The following EDAR variants were observed in gnomAD, a reference collection of about 807,000 sequenced individuals.
EDAR encodes tumor necrosis factor receptor superfamily member EDAR.
A neutral mutation model predicts 51.3 loss-of-function variants in EDAR; 38 were observed. The observed-to-expected ratio is 0.74, with a 90% confidence interval of 0.57 to 0.97. The LOEUF is 0.97. Ranked by LOEUF, EDAR falls within the 50% of genes least tolerant of loss-of-function variation. The pLI, the probability that EDAR is intolerant of heterozygous loss-of-function variation, is 0.00. For synonymous variants in EDAR, 227 were observed against 242.1 expected (o/e 0.94, Z 0.58); for missense variants, 528 against 595.0 (o/e 0.89, Z 1.17).
rs189284227 is a variant in EDAR, at chr2:108,968,501, T to C, written c.-19+20459A>G. On this transcript the variant is annotated intron_variant, in intron 1 of 11. Transcript: ENST00000258443. ...TGAGGTAACACAGATCCCACAGAAA[T>C]ATTCTGGCTTGTTGAGAATTGGAGC... Among the ~76,000 whole-genome samples, 64 of 152,298 alleles carry C rather than the reference T, an allele frequency of 4.2e-4. 1 individual carries two copies. The highest frequency in any genetic ancestry group is 6.9e-4 in the Non-Finnish European group (47 of 68,014).
At chr2:108,963,013 A>ACT (rs1361912351) in intron 1 of EDAR, among the ~76,000 whole-genome samples, 2 of 152,192 alleles carry the variant, frequency 1.3e-5, no homozygotes, top group Non-Finnish European at 2.9e-5. Flanking sequence ...CATCTGCACC[A>ACT]GCGATCAATT....
intron 1 of EDAR, among the ~76,000 whole-genome samples, chr2:108,980,389 C>T (rs1007314163): frequency 2.6e-5 from 4 of 152,058 alleles, no homozygotes; most frequent in Non-Finnish European, 4.4e-5. Context: ...CTGGTGGGCA[C>T]GCCCTGCCGC....
chr2:108,937,387 C>T (rs527501319), intron 1 of EDAR, among the ~76,000 whole-genome samples: 9 of 152,044 alleles, frequency 5.9e-5, no homozygotes, highest in Non-Finnish European at 1.2e-4. Context: ...TGTGCATACA[C>T]GTGAGTGTAT....
At chr2:108,985,330 G>A (rs1224105245) in intron 1 of EDAR, among the ~76,000 whole-genome samples, 2 of 152,144 alleles carry the variant, frequency 1.3e-5, no homozygotes, top group East Asian at 3.9e-4. Flanking sequence ...GATTTCGTCC[G>A]ACTCACAAGT....
At chr2:108,960,990 A>C (rs1358580148) in intron 1 of EDAR, among the ~76,000 whole-genome samples, 1 of 152,216 alleles carries the variant, frequency 6.6e-6, no homozygotes, top group Non-Finnish European at 1.5e-5. Flanking sequence ...CAGTGGATAG[A>C]CTTCTAATTA....
chr2:108,978,080 A>G (rs1698358396), intron 1 of EDAR, among the ~76,000 whole-genome samples: 1 of 152,224 alleles, frequency 6.6e-6, no homozygotes, highest in African/African-American at 2.4e-5. Context: ...GCACTGACAT[A>G]GGGAAGAGCC....
chr2:108,971,559 T>C (rs1698233389), intron 1 of EDAR, among the ~76,000 whole-genome samples: 3 of 151,668 alleles, frequency 2.0e-5, no homozygotes, highest in Admixed American at 1.3e-4. Context: ...AAATGTTTAG[T>C]AAATAAATAC....
intron 1 of EDAR, among the ~76,000 whole-genome samples, chr2:108,954,291 GACCTAT>G (rs1697879714): frequency 6.6e-6 from 1 of 152,144 alleles, no homozygotes; most frequent in Non-Finnish European, 1.5e-5. Flanking sequence ...TATACATCAA[GACCTAT>G]ACCCCAAGAT....
intron 5 of EDAR, 139 bp downstream of exon 5, chr2:108,923,229 C>T (rs1347815061): frequency 1.2e-6 from 1 of 839,722 alleles, no homozygotes. Context: ...CTGGACAGGC[C>T]ACAGGAGCAC....
At chr2:108,925,631 T>C (rs895518275) in intron 4 of EDAR, among the ~76,000 whole-genome samples, 11 of 151,890 alleles carry the variant, frequency 7.2e-5, no homozygotes, top group African/African-American at 1.2e-4. Context: ...CTTTTTTTTT[T>C]CCCCCTGAAA....
In EDAR at chr2:108,895,011, GACTC is replaced by G. The variant is rs145115545; in HGVS notation, c.*1892_*1895del. On this transcript the variant is annotated 3_prime_UTR_variant, in exon 12 of 12. Transcript: ENST00000258443. The stretch of plus-strand genomic sequence containing the variant: ...GACATTTGCAGTCTAATTAAGGGGA[GACTC>G]ACTCATCATCATCACAAGGCAGGGG... 13,512 of 152,602 alleles carry G rather than the reference GACTC, an allele frequency of 0.089. 817 individuals carry two copies. Among genetic ancestry groups the G allele is most frequent in the African/African-American group, 0.16 (6,660 of 41,496 alleles). 9.5% of individuals were successfully genotyped at this position (152,602 alleles called of 1,614,324 possible). A position where few individuals can be genotyped will look rare whatever the true frequency, so the allele number is the denominator to read the frequency against.
At chr2:108,934,296 C>T (rs1487849212) in intron 1 of EDAR, among the ~76,000 whole-genome samples, 1 of 152,140 alleles carries the variant, frequency 6.6e-6, no homozygotes, top group Admixed American at 6.5e-5. Flanking sequence ...TCTCAGACTG[C>T]AGATACAGGC....
chr2:108,931,058 G>C (rs1697358133), intron 1 of EDAR, 26 bp from the exon 2 acceptor site: 3 of 1,605,142 alleles, frequency 1.9e-6, no homozygotes, highest in Middle Eastern at 1.6e-4. Flanking sequence ...CATTAGCTGG[G>C]CACTGGCGGT....
chr2:108,970,251 A>G (rs745707810), intron 1 of EDAR, among the ~76,000 whole-genome samples: 1 of 152,170 alleles, frequency 6.6e-6, no homozygotes, highest in Non-Finnish European at 1.5e-5. Flanking sequence ...CCCAGGTGGT[A>G]CGCATTTGAG....
intron 1 of EDAR, among the ~76,000 whole-genome samples, chr2:108,958,397 T>C (rs1697965310): frequency 6.6e-6 from 1 of 151,664 alleles, no homozygotes; most frequent in African/African-American, 2.4e-5. Flanking sequence ...GAAATAGTTA[T>C]TCCTTCAGCA....
chr2:108,980,539 T>C (rs1384701247), intron 1 of EDAR, among the ~76,000 whole-genome samples: 1 of 152,196 alleles, frequency 6.6e-6, no homozygotes, highest in African/African-American at 2.4e-5. Context: ...TATATATTTA[T>C]GTGATATTAC....
intron 1 of EDAR, among the ~76,000 whole-genome samples, chr2:108,979,944 C>T (rs1387622665): frequency 5.9e-5 from 9 of 151,990 alleles, no homozygotes; most frequent in African/African-American, 1.9e-4. Context: ...ATTATCCTGG[C>T]TGAGATGAGG....
chr2:108,986,095 T>C (rs1282888638), intron 1 of EDAR, among the ~76,000 whole-genome samples: 1 of 152,126 alleles, frequency 6.6e-6, no homozygotes, highest in Non-Finnish European at 1.5e-5. Flanking sequence ...AAATTAAATA[T>C]GGTCAAGCTC....
At chr2:108,897,305 A>G in intron 11 of EDAR, 76 bp from the exon 12 acceptor site, 1 of 1,368,520 alleles carries the variant, frequency 7.3e-7, no homozygotes, top group East Asian at 2.5e-5. Context: ...AATTATTTAA[A>G]TGAAATAAAA....
Sources: allele counts gnomAD v4.1 joint callset (sites outside exome capture counted in the v4.1 genomes callset), GRCh38; gene constraint gnomAD v4.1.1; transcripts MANE v1.5; gene names NCBI Gene and HGNC (gene_info 2026-07-23, HGNC 2026-07-21).